UBASH3A: variants seen among roughly 807,000 people sequenced by gnomAD.
UBASH3A encodes ubiquitin-associated and SH3 domain-containing protein A.
Under a neutral mutation model 73.5 loss-of-function variants are expected in UBASH3A, and 63 were observed. That is an observed-to-expected ratio of 0.86 (90% CI 0.70 to 1.06). UBASH3A has a LOEUF of 1.06. Among genes scored for constraint, UBASH3A ranks in the 50% least tolerant of loss-of-function variants. The pLI, the probability that UBASH3A is intolerant of heterozygous loss-of-function variation, is 0.00. For synonymous variants in UBASH3A, 363 were observed against 351.1 expected, an observed-to-expected ratio of 1.03 and a Z score of -0.38; for missense variants, 860 against 859.0, an observed-to-expected ratio of 1.00 and a Z score of -0.02.
At chr21:42,419,724 G>T (rs1420757085) in intron 7 of UBASH3A, among the ~76,000 whole-genome samples, 5 of 152,190 alleles carry the variant, frequency 3.3e-5, no homozygotes, top group Admixed American at 2.6e-4. Flanking sequence ...TTTGGCTTAG[G>T]ATTTCATAAT....
intron 6 of UBASH3A, among the ~76,000 whole-genome samples, chr21:42,417,875 TTTC>T (rs1367630683): frequency 1.6e-4 from 21 of 132,528 alleles, no homozygotes; most frequent in African/African-American, 2.8e-4. Flanking sequence ...TTTTTCTTTT[TTTC>T]TTTTTTTTTT....
At chr21:42,406,954 G>A (rs1227290425) in intron 2 of UBASH3A, among the ~76,000 whole-genome samples, 2 of 152,102 alleles carry the variant, frequency 1.3e-5, no homozygotes, top group Non-Finnish European at 2.9e-5. Context: ...AGAGACTAGC[G>A]GCCACCATGC....
At chr21:42,417,534 C>T (rs1429485880) in intron 6 of UBASH3A, 2 of 151,754 alleles carry the variant, frequency 1.3e-5, no homozygotes, top group African/African-American at 2.4e-5. Context: ...AATGTAGGGG[C>T]CATGCTAATC....
Position 42,418,437 on chromosome 21 carries a change from G to T in UBASH3A, c.874G>T (p.Val292Leu). Residue 292 changes from valine to leucine, a missense_variant, in exon 7 of 15, where the codon GTG becomes TTG. Physicochemically the swap from Val to Leu is conservative, Grantham distance 32. Transcript: ENST00000319294. ...CCTATTCCAGTACAAACCCCAGAACGTGGATGAGCTGACGCTAAGTCCTGG... is the reference window on the plus strand; with the variant it reads ...CCTATTCCAGTACAAACCCCAGAACTTGGATGAGCTGACGCTAAGTCCTGG... ...RALFQYKPQNVDELTLSPGDY... is the reference protein window; with the variant it reads ...RALFQYKPQNLDELTLSPGDY... 1 of 1,614,196 alleles carries T rather than the reference G, an allele frequency of 6.2e-7. No individual in the cohort carries two copies. The highest frequency in any genetic ancestry group is 8.5e-7 in the Non-Finnish European group (1 of 1,180,036).
chr21:42,410,222 A>G (rs370782708), intron 3 of UBASH3A: 71 of 699,002 alleles, frequency 1.0e-4, no homozygotes, highest in South Asian at 5.0e-4. Flanking sequence ...GACAAGAAGA[A>G]TGTGGGAGCT....
chr21:42,435,024 C>T, intron 10 of UBASH3A, 70 bp downstream of exon 10: 1 of 1,566,132 alleles, frequency 6.4e-7, no homozygotes, highest in Non-Finnish European at 8.7e-7. Context: ...AGCAGGCATC[C>T]AGCCTGAGCC....
chr21:42,404,253 T>G, intron 1 of UBASH3A, 195 bp downstream of exon 1: 2 of 372,306 alleles, frequency 5.4e-6, no homozygotes, highest in Non-Finnish European at 9.5e-6. Flanking sequence ...ACCAAGCTTG[T>G]CCAACCCACA....
At chr21:42,443,286 G>A (rs563286757) in intron 12 of UBASH3A, 26 bp from the exon 13 acceptor site, 1 of 1,603,140 alleles carries the variant, frequency 6.2e-7, no homozygotes, top group Admixed American at 1.7e-5. Flanking sequence ...TGCCAGGGCA[G>A]CAGCCTCTCC....
At chr21:42,418,108 T>A (rs1484475899) in intron 6 of UBASH3A, among the ~76,000 whole-genome samples, 1 of 152,044 alleles carries the variant, frequency 6.6e-6, no homozygotes, top group Admixed American at 6.6e-5. Flanking sequence ...GGTCTCAAAC[T>A]CCTGACCTTG....
intron 7 of UBASH3A, among the ~76,000 whole-genome samples, chr21:42,424,572 G>A (rs1417581573): frequency 6.6e-6 from 1 of 152,208 alleles, no homozygotes; most frequent in Non-Finnish European, 1.5e-5. Flanking sequence ...AGGGGGGCTT[G>A]AGTGTGAGGG....
intron 7 of UBASH3A, among the ~76,000 whole-genome samples, chr21:42,425,494 A>G (rs1328052071): frequency 6.6e-6 from 1 of 152,230 alleles, no homozygotes; most frequent in East Asian, 1.9e-4. Context: ...TGCTCTGAGC[A>G]TGTTAATTTG....
At chr21:42,412,028 G>A (rs2053108790) in intron 3 of UBASH3A, among the ~76,000 whole-genome samples, 1 of 152,216 alleles carries the variant, frequency 6.6e-6, no homozygotes, top group Admixed American at 6.5e-5. Context: ...GAAATTCCGA[G>A]GGCAGCCCGG....
At chr21:42,417,874 TTTTC>T (rs1568918043) in intron 6 of UBASH3A, among the ~76,000 whole-genome samples, 21 of 135,240 alleles carry the variant, frequency 1.6e-4, no homozygotes, top group African/African-American at 5.4e-4. Flanking sequence ...TTTTTTCTTT[TTTTC>T]TTTTTTTTTT....
intron 7 of UBASH3A, among the ~76,000 whole-genome samples, chr21:42,424,027 G>C (rs928650450): frequency 6.6e-6 from 1 of 152,124 alleles, no homozygotes. Context: ...ATCGGAAAAT[G>C]ATCCTTGAAT....
intron 1 of UBASH3A, among the ~76,000 whole-genome samples, chr21:42,404,919 C>T (rs1397565607): frequency 6.6e-6 from 1 of 152,188 alleles, no homozygotes; most frequent in Non-Finnish European, 1.5e-5. Context: ...TGGGTTACAG[C>T]TTTCATGGCA....
rs56268047 is a variant in UBASH3A, at chr21:42,406,003, C to T, written c.114-305C>T. Among the ~76,000 whole-genome samples the T allele has an allele frequency of 8.2e-3, 1,126 of 138,124 alleles. 38 individuals are homozygous for T. Among genetic ancestry groups the T allele is most frequent in the African/African-American group, 0.029 (1,065 of 36,232 alleles). The allele number at this position is 138,124 out of a possible 152,430, so 90.6% of individuals were successfully genotyped here. On this transcript the variant is annotated intron_variant, in intron 1 of 14. Transcript: ENST00000319294. Reference sequence around the variant, plus strand: ...GGCAGTGGGGGGGGGGGGGGCAGGCCAGGGAGAGGGATTGCAGGAGCGGGC... The same window carrying T: ...GGCAGTGGGGGGGGGGGGGGCAGGCTAGGGAGAGGGATTGCAGGAGCGGGC...
chr21:42,416,322 G>A (rs188595054), intron 5 of UBASH3A, 120 bp from the exon 6 acceptor site: 16 of 1,043,502 alleles, frequency 1.5e-5, no homozygotes, highest in East Asian at 9.3e-5. Context: ...AGTTCTGAGC[G>A]GGCCAAATGA....
At chr21:42,440,010 A>G (rs1391880748) in intron 11 of UBASH3A, among the ~76,000 whole-genome samples, 1 of 148,940 alleles carries the variant, frequency 6.7e-6, no homozygotes, top group Non-Finnish European at 1.5e-5. Context: ...CACCACACAC[A>G]CAACACACAC....
chr21:42,413,303 A>C lies in UBASH3A; in HGVS notation c.553+81A>C. ...TCTGTGGCAGGGACTAGCCCCCGGCACATGGATGCAGTGGGTGGGTTCCAG... is the reference window on the plus strand; with the variant it reads ...TCTGTGGCAGGGACTAGCCCCCGGCCCATGGATGCAGTGGGTGGGTTCCAG... On this transcript the variant is annotated intron_variant, in intron 4 of 14. Transcript: ENST00000319294. This position sits in a 1 kb window ranked among gnomAD's most constrained non-coding sequence, Gnocchi z 4.5. The C allele has an allele frequency of 2.6e-6, 4 of 1,567,224 alleles. No homozygotes were observed. Among genetic ancestry groups the C allele is most frequent in the Non-Finnish European group, 3.5e-6 (4 of 1,141,880 alleles).
Sources: gnomAD v4.1 joint callset for allele counts (sites outside exome capture counted in the v4.1 genomes callset) on GRCh38, gnomAD v4.1.1 for gene constraint, Gnocchi (gnomAD v3.1) non-coding constraint, MANE v1.5 for transcripts, NCBI Gene and HGNC (gene_info 2026-07-23, HGNC 2026-07-21) for gene names.